MTMR12: variants seen among roughly 807,000 people sequenced by gnomAD.
MTMR12 encodes the protein myotubularin related protein 12.
In MTMR12, 33 loss-of-function variants were observed where a neutral mutation model predicts 96.7. The ratio of observed to expected loss-of-function variants is 0.34; its 90% CI spans 0.26 to 0.46. The LOEUF (loss-of-function observed/expected upper bound fraction) is 0.46, where lower values mean the gene tolerates loss of function less well. Among genes scored for constraint, MTMR12 ranks in the 20% least tolerant of loss-of-function variants. The pLI is 1.00. For synonymous variants in MTMR12, 298 were observed against 327.2 expected, an observed-to-expected ratio of 0.91 and a Z score of 0.96; for missense variants, 721 against 896.1, an observed-to-expected ratio of 0.80 and a Z score of 2.49.
intron 10 of MTMR12, among the ~76,000 whole-genome samples, chr5:32,246,136 G>C (rs1417314352): frequency 6.6e-6 from 1 of 151,018 alleles, no homozygotes; most frequent in Non-Finnish European, 1.5e-5. Flanking sequence ...AAGCTGATCT[G>C]GGCACAATGG....
chr5:32,235,855 TA>T (rs1283711782), intron 13 of MTMR12, among the ~76,000 whole-genome samples: 2 of 152,192 alleles, frequency 1.3e-5, no homozygotes, highest in African/African-American at 4.8e-5. Context: ...CCTCCCTGAT[TA>T]ACCAGTGATC....
At chr5:32,293,262 T>C (rs963082320) in intron 1 of MTMR12, among the ~76,000 whole-genome samples, 14 of 152,278 alleles carry the variant, frequency 9.2e-5, no homozygotes, top group East Asian at 1.9e-4. Context: ...CCAAAGGAAA[T>C]TGACATTTGA....
intron 1 of MTMR12, among the ~76,000 whole-genome samples, chr5:32,291,900 C>T (rs184686817): frequency 2.6e-4 from 40 of 152,280 alleles, no homozygotes; most frequent in Non-Finnish European, 3.1e-4. Context: ...GGTTTGTCTT[C>T]ACTGCAATAC....
rs149041951 is a variant in MTMR12 at position 32,275,547 on chromosome 5, G to A, written c.142+1135C>T. Among the ~76,000 whole-genome samples the A allele has an allele frequency of 5.9e-5, 9 of 152,316 alleles. No homozygotes were observed. In the East Asian group the frequency reaches 1.7e-3, roughly 29 times the overall value. On this transcript the variant is annotated intron_variant, in intron 2 of 15. Transcript: ENST00000382142. ...GTGAGGCCCTCTGCAAACATGGCAT[G>A]TTGTGCCATAATCAGCTGGTTTATA...
chr5:32,277,416 T>C (rs1434041920), intron 1 of MTMR12, among the ~76,000 whole-genome samples: 2 of 151,790 alleles, frequency 1.3e-5, no homozygotes, highest in Non-Finnish European at 2.9e-5. Flanking sequence ...ATAAAAGAGA[T>C]GGCCCAGCGT....
intron 1 of MTMR12, among the ~76,000 whole-genome samples, chr5:32,284,643 T>G (rs1750450346): frequency 6.6e-6 from 1 of 152,216 alleles, no homozygotes; most frequent in Admixed American, 6.5e-5. Flanking sequence ...CTTAAGCCTC[T>G]GCGCCTTTAA....
Position 32,312,503 on chromosome 5 carries a change from GGCTCGGGCCCCTCCACCAGCCTCCAGC to G in MTMR12, c.81+228_81+254del, listed in dbSNP as rs961033441. On this transcript the variant is annotated intron_variant, in intron 1 of 15. Transcript: ENST00000382142. This position sits in a 1 kb window ranked among gnomAD's most constrained non-coding sequence, Gnocchi z 5.0. The stretch of plus-strand genomic sequence containing the variant: ...GCGTTCCGGGCCGCAATCCCTTCTC[GGCTCGGGCCCCTCCACCAGCCTCCAGC>G]GCTCGGGCCCTGCGCTCAGGCACCT... Among the ~76,000 whole-genome samples, 7 of 152,156 alleles carry G rather than the reference GGCTCGGGCCCCTCCACCAGCCTCCAGC, an allele frequency of 4.6e-5. No homozygotes were observed. The highest frequency in any genetic ancestry group is 2.1e-4 in the South Asian group (1 of 4,832).
chr5:32,279,713 G>C (rs76306002), intron 1 of MTMR12, among the ~76,000 whole-genome samples: 2 of 152,196 alleles, frequency 1.3e-5, no homozygotes, highest in African/African-American at 4.8e-5. Context: ...ATTTTTCCAC[G>C]GACCTGGCAG....
At chr5:32,300,013 T>C (rs1405681705) in intron 1 of MTMR12, among the ~76,000 whole-genome samples, 1 of 152,188 alleles carries the variant, frequency 6.6e-6, no homozygotes, top group Non-Finnish European at 1.5e-5. Context: ...CCCAGAGCAC[T>C]TGGGCATGCC....
intron 6 of MTMR12, among the ~76,000 whole-genome samples, chr5:32,266,121 C>A (rs115440645): frequency 4.6e-5 from 7 of 152,204 alleles, no homozygotes. Flanking sequence ...CTTTTCCCCT[C>A]GATAGTCCAC....
chr5:32,281,289 A>G (rs1230833708), intron 1 of MTMR12, among the ~76,000 whole-genome samples: 2 of 149,838 alleles, frequency 1.3e-5, no homozygotes, highest in Non-Finnish European at 3.0e-5. Flanking sequence ...ACATGAGACT[A>G]GTAACTTCTA....
intron 1 of MTMR12, among the ~76,000 whole-genome samples, chr5:32,305,919 T>A (rs1488302171): frequency 1.8e-4 from 27 of 148,994 alleles, no homozygotes; most frequent in Non-Finnish European, 6.0e-5. Context: ...AAAAAAAAAA[T>A]CTGGGATACC....
In MTMR12 at chr5:32,268,371, G is replaced by A. The variant is rs548820873; in HGVS notation, c.583+330C>T. Among the ~76,000 whole-genome samples the A allele has an allele frequency of 5.3e-5, 8 of 152,110 alleles. No homozygotes were observed. In the South Asian group the frequency reaches 1.4e-3, roughly 28 times the overall value. On this transcript the variant is annotated intron_variant, in intron 6 of 15. Coordinates refer to ENST00000382142, the MANE Select transcript of MTMR12 (RefSeq NM_001040446.3). ...AAAAATACAAAAATTAGTCAGGCAT[G>A]GTGGTGGGCACCTGTAATCCCAGTT...
chr5:32,305,658 C>T (rs1751325569), intron 1 of MTMR12, among the ~76,000 whole-genome samples: 1 of 152,078 alleles, frequency 6.6e-6, no homozygotes, highest in African/African-American at 2.4e-5. Flanking sequence ...AATCCCAGCA[C>T]TTTGGGAGGC....
intron 7 of MTMR12, among the ~76,000 whole-genome samples, chr5:32,261,899 T>C (rs1008986447): frequency 6.6e-6 from 1 of 152,152 alleles, no homozygotes; most frequent in Non-Finnish European, 1.5e-5. Flanking sequence ...GGTGAAACCC[T>C]GTCTCTACTA....
intron 1 of MTMR12, among the ~76,000 whole-genome samples, chr5:32,304,981 C>T (rs948309680): frequency 6.6e-6 from 1 of 152,178 alleles, no homozygotes; most frequent in Admixed American, 6.5e-5. Flanking sequence ...CTTCTGATGG[C>T]CTACCAATGA....
At chr5:32,268,650 G>T in intron 6 of MTMR12, 51 bp downstream of exon 6, 3 of 1,498,364 alleles carry the variant, frequency 2.0e-6, no homozygotes, top group Non-Finnish European at 2.8e-6. Context: ...CTTCAGGTGG[G>T]AATTGGAAGG....
intron 6 of MTMR12, 63 bp from the exon 7 acceptor site, chr5:32,263,305 G>A: frequency 6.3e-7 from 1 of 1,593,574 alleles, no homozygotes; most frequent in Non-Finnish European, 8.6e-7. Flanking sequence ...CTTTTATTAT[G>A]TGAAAGTCCC....
At chr5:32,280,800 A>G (rs930227486) in intron 1 of MTMR12, among the ~76,000 whole-genome samples, 8 of 152,216 alleles carry the variant, frequency 5.3e-5, no homozygotes, top group Admixed American at 1.3e-4. Context: ...AAATGGAAAC[A>G]ATACTACCTA....
Sources: allele counts gnomAD v4.1 joint callset (sites outside exome capture counted in the v4.1 genomes callset), GRCh38; gene constraint gnomAD v4.1.1; non-coding constraint Gnocchi (gnomAD v3.1); transcripts MANE v1.5; gene names NCBI Gene and HGNC (gene_info 2026-07-23, HGNC 2026-07-21).